Variants in ADGRD1 observed in about 807,000 individuals in gnomAD.
ADGRD1 encodes adhesion G protein-coupled receptor D1.
Under a neutral mutation model 113.4 loss-of-function variants are expected in ADGRD1, and 77 were observed. The observed-to-expected ratio is 0.68, with a 90% CI of 0.57 to 0.82. The LOEUF is 0.82. Ranked by LOEUF, ADGRD1 falls within the 40% of genes least tolerant of loss-of-function variation. ADGRD1 has a pLI of 0.00. For missense variants in ADGRD1, 1,036 were observed against 1,139.1 expected (o/e 0.91, Z 1.30); for synonymous variants, 474 against 475.0 (o/e 1.00, Z 0.03).
chr12:131,006,304 T>A (rs957002835), intron 12 of ADGRD1, among the ~76,000 whole-genome samples: 1 of 152,252 alleles, frequency 6.6e-6, no homozygotes, highest in Non-Finnish European at 1.5e-5. Context: ...CAGAACTGTG[T>A]GACCTTGGGC....
chr12:131,129,741 G>T (rs1335455606), intron 20 of ADGRD1, among the ~76,000 whole-genome samples: 1 of 152,234 alleles, frequency 6.6e-6, no homozygotes, highest in Non-Finnish European at 1.5e-5. Context: ...AGAAACAAAG[G>T]CATGCACACT....
At position 131,071,917 on chromosome 12, in the gene ADGRD1, T is replaced by C. The variant is rs1885209672; in HGVS notation, c.1474-4884T>C. 4.0e-5 allele frequency among the ~76,000 whole-genome samples: 6 copies of C among 150,770 alleles called. 1 individual carries two copies. The South Asian group carries it at 1.3e-3, about 33-fold the overall frequency. ...TAAATGCCAAATGCAGAACCTGGGC[T>C]GTGGGTCCCGGCCTGGCTTCGTGTG... On this transcript the variant is annotated intron_variant, in intron 13 of 24. Transcript: ENST00000261654.
In ADGRD1 at chr12:130,954,861, A is replaced by G. The variant is rs1373914349; in HGVS notation, c.103+201A>G. ...TCACCGGCTGAGCGGTGGATGGAGA[A>G]GTGGTTCTGGGCCCCTTGAGCTGGG... On this transcript the variant is annotated intron_variant, in intron 2 of 24. Transcript: ENST00000261654. This position sits in a 1 kb window ranked among gnomAD's most constrained non-coding sequence, Gnocchi z 4.7. 6.6e-6 allele frequency among the ~76,000 whole-genome samples: 1 copy of G among 152,172 alleles called. No homozygotes were observed. Among genetic ancestry groups the G allele is most frequent in the East Asian group, 1.9e-4 (1 of 5,188 alleles).
intron 4 of ADGRD1, among the ~76,000 whole-genome samples, chr12:130,980,340 A>G (rs2030933): frequency 0.82 from 124,205 of 151,698 alleles, 51,742 homozygotes; most frequent in East Asian, 0.95. Context: ...TCCTGACCTC[A>G]TGATCCACCC....
intron 2 of ADGRD1, chr12:130,962,625 T>C (rs2136485522): frequency 6.6e-6 from 1 of 152,378 alleles, no homozygotes; most frequent in Non-Finnish European, 1.5e-5. Flanking sequence ...AGATTCTTCA[T>C]ATTGCATTAC....
rs1205145833 is a variant in ADGRD1 at position 130,987,077 on chromosome 12, A to C, written c.491-18A>C. 6.2e-7 allele frequency: 1 copy of C among 1,612,238 alleles called. No homozygotes were observed. Among genetic ancestry groups the C allele is most frequent in the African/African-American group, 1.3e-5 (1 of 74,880 alleles). The stretch of plus-strand genomic sequence containing the variant: ...CATTCCCACAGTACTCAGAATGGCG[A>C]TCTTCACTCTTTTCCAGGCCCCTAT... On this transcript the variant is annotated intron_variant, in intron 5 of 24. Transcript: ENST00000261654.
intron 2 of ADGRD1, among the ~76,000 whole-genome samples, chr12:130,958,366 AT>A (rs1295999398): frequency 6.6e-6 from 1 of 151,778 alleles, no homozygotes. Context: ...AGGCTGGCTA[AT>A]TTTTGTATTT....
chr12:131,061,398 G>A (rs1884313756), intron 13 of ADGRD1, among the ~76,000 whole-genome samples: 1 of 152,214 alleles, frequency 6.6e-6, no homozygotes, highest in Non-Finnish European at 1.5e-5. Context: ...AAATCAAAAT[G>A]AGACGTAAAT....
intron 4 of ADGRD1, among the ~76,000 whole-genome samples, chr12:130,976,597 G>T (rs116605464): frequency 6.6e-6 from 1 of 152,028 alleles, no homozygotes; most frequent in African/African-American, 2.4e-5. Context: ...GCGCCGTGTT[G>T]ATCTTCTGTT....
intron 4 of ADGRD1, among the ~76,000 whole-genome samples, chr12:130,979,681 C>G (rs897180280): frequency 6.6e-6 from 1 of 152,196 alleles, no homozygotes; most frequent in Non-Finnish European, 1.5e-5. Flanking sequence ...CCTCTTTGGA[C>G]CAGTTCTGGG....
intron 12 of ADGRD1, among the ~76,000 whole-genome samples, chr12:131,012,897 C>T (rs767149806): frequency 3.3e-5 from 5 of 152,250 alleles, no homozygotes; most frequent in Admixed American, 1.3e-4. Flanking sequence ...GCTGGGTGAC[C>T]GCGGGGGGCC....
chr12:131,089,369 C>T (rs970964897), intron 15 of ADGRD1, among the ~76,000 whole-genome samples: 3 of 152,256 alleles, frequency 2.0e-5, no homozygotes, highest in African/African-American at 7.2e-5. Flanking sequence ...CCTTCATGCA[C>T]AGCTCTGCAG....
Position 131,075,475 on chromosome 12 carries a change from A to C in ADGRD1, c.1474-1326A>C, listed in dbSNP as rs1173556899. Among the ~76,000 whole-genome samples the C allele has an allele frequency of 6.6e-6, 1 of 152,084 alleles. No homozygotes were observed. Among genetic ancestry groups the C allele is most frequent in the East Asian group, 1.9e-4 (1 of 5,180 alleles). On this transcript the variant is annotated intron_variant, in intron 13 of 24. Coordinates refer to ENST00000261654, the MANE Select transcript of ADGRD1 (RefSeq NM_198827.5). The surrounding 1 kb of genome is among the most constrained non-coding windows in gnomAD (Gnocchi z 5.3). The stretch of plus-strand genomic sequence containing the variant: ...TGTCTTTTCCAGGCGGTTTTAAGAG[A>C]CCCTGTGATGGATTAAAATAACCCT...
intron 13 of ADGRD1, among the ~76,000 whole-genome samples, chr12:131,065,530 ACTGT>A (rs897449735): frequency 5.3e-5 from 8 of 152,078 alleles, no homozygotes; most frequent in African/African-American, 1.9e-4. Flanking sequence ...CTTGCCTGTC[ACTGT>A]CTGTGTTTCC....
chr12:131,096,769 C>T lies in ADGRD1; in HGVS notation c.1672-8062C>T, dbSNP rs968402786. 2.6e-5 allele frequency among the ~76,000 whole-genome samples: 4 copies of T among 152,226 alleles called. No homozygotes were observed. Among genetic ancestry groups the T allele is most frequent in the Admixed American group, 6.5e-5 (1 of 15,288 alleles). The stretch of plus-strand genomic sequence containing the variant: ...TTTACATCGCCACAACTGTTTAAAG[C>T]AGCCATCGTCTGGGGCACAGTGGGG... On this transcript the variant is annotated intron_variant, in intron 15 of 24. Transcript: ENST00000261654. The surrounding 1 kb of genome is among the most constrained non-coding windows in gnomAD (Gnocchi z 5.2).
In ADGRD1 at chr12:131,096,609, G is replaced by A. The variant is rs562007033; in HGVS notation, c.1672-8222G>A. ...CCTCCATCTGTGAGGATGGGTTCCC[G>A]TGGGGCACTGCTGGTCCAGGTTTAC... On this transcript the variant is annotated intron_variant, in intron 15 of 24. Coordinates refer to ENST00000261654, the MANE Select transcript of ADGRD1 (RefSeq NM_198827.5). This position sits in a 1 kb window ranked among gnomAD's most constrained non-coding sequence, Gnocchi z 5.2. Among the ~76,000 whole-genome samples the A allele has an allele frequency of 2.0e-5, 3 of 152,244 alleles. No individual in the cohort carries two copies. Among genetic ancestry groups the A allele is most frequent in the East Asian group, 1.9e-4 (1 of 5,184 alleles).
At chr12:131,016,630 A>G (rs1481229002) in intron 13 of ADGRD1, among the ~76,000 whole-genome samples, 1 of 152,228 alleles carries the variant, frequency 6.6e-6, no homozygotes, top group Non-Finnish European at 1.5e-5. Flanking sequence ...GCAGTGGCTC[A>G]GCCTGTAATC....
intron 13 of ADGRD1, among the ~76,000 whole-genome samples, chr12:131,032,490 GC>G (rs1297207600): frequency 1.3e-5 from 2 of 152,166 alleles, no homozygotes. Flanking sequence ...GAGTGTTCTT[GC>G]TGCAGGCCCG....
chr12:131,038,763 G>C (rs1329940216), intron 13 of ADGRD1, among the ~76,000 whole-genome samples: 2 of 152,242 alleles, frequency 1.3e-5, no homozygotes, highest in East Asian at 1.9e-4. Flanking sequence ...TTTGACATCA[G>C]GGTCAGAAGC....
Sources: gnomAD v4.1 joint callset for allele counts (sites outside exome capture counted in the v4.1 genomes callset) on GRCh38, gnomAD v4.1.1 for gene constraint, Gnocchi (gnomAD v3.1) non-coding constraint, MANE v1.5 for transcripts, NCBI Gene and HGNC (gene_info 2026-07-23, HGNC 2026-07-21) for gene names.